Variants in ERBB4 observed in about 807,000 individuals in gnomAD.
The protein encoded by ERBB4 is receptor tyrosine-protein kinase erbB-4.
In ERBB4, 42 loss-of-function variants were observed where a neutral mutation model predicts 158.0. The ratio of observed to expected loss-of-function variants is 0.27; its 90% CI spans 0.21 to 0.34. ERBB4 has a LOEUF of 0.34. ERBB4 is among the 10% of genes least tolerant of loss of function. The pLI, the probability that ERBB4 is intolerant of heterozygous loss-of-function variation, is 1.00. For synonymous variants in ERBB4, 583 were observed against 558.7 expected (o/e 1.04, Z -0.61); for missense variants, 1,333 against 1,624.1 (o/e 0.82, Z 3.08).
At chr2:211,427,371 A>G (rs963632620) in intron 22 of ERBB4, among the ~76,000 whole-genome samples, 6 of 152,166 alleles carry the variant, frequency 3.9e-5, no homozygotes, top group African/African-American at 1.2e-4. Context: ...TTTATATGAT[A>G]TATTTAAACT....
At chr2:211,711,451 A>T (rs549262968) in intron 9 of ERBB4, among the ~76,000 whole-genome samples, 1 of 152,168 alleles carries the variant, frequency 6.6e-6, no homozygotes, top group Non-Finnish European at 1.5e-5. Flanking sequence ...TAAAACGAGT[A>T]GGGGGTCCTG....
intron 3 of ERBB4, among the ~76,000 whole-genome samples, chr2:211,838,733 T>C (rs1350099768): frequency 6.6e-6 from 1 of 152,124 alleles, no homozygotes; most frequent in Non-Finnish European, 1.5e-5. Context: ...TAAAAATATA[T>C]TTGAAATAGA....
chr2:211,653,441 C>CT (rs1191282701), intron 16 of ERBB4, among the ~76,000 whole-genome samples: 1 of 151,766 alleles, frequency 6.6e-6, no homozygotes, highest in Non-Finnish European at 1.5e-5. Context: ...ATTTCACCTG[C>CT]TTTCATTTAA....
chr2:212,076,474 G>C (rs916911565), intron 2 of ERBB4, among the ~76,000 whole-genome samples: 2 of 151,844 alleles, frequency 1.3e-5, no homozygotes, highest in African/African-American at 4.8e-5. Flanking sequence ...CTACACATCA[G>C]AAAATAAATA....
At chr2:212,298,970 T>C (rs1305237331) in intron 1 of ERBB4, among the ~76,000 whole-genome samples, 3 of 151,784 alleles carry the variant, frequency 2.0e-5, no homozygotes, top group Non-Finnish European at 2.9e-5. Flanking sequence ...TGAAATACTT[T>C]ACATGATAAT....
At chr2:211,524,450 C>T (rs189938590) in intron 20 of ERBB4, among the ~76,000 whole-genome samples, 22 of 149,602 alleles carry the variant, frequency 1.5e-4, no homozygotes, top group East Asian at 7.8e-4. Flanking sequence ...CGGGGAGGCT[C>T]GGGCCGCACA....
intron 20 of ERBB4, among the ~76,000 whole-genome samples, chr2:211,541,500 G>A (rs900124300): frequency 2.0e-5 from 3 of 151,888 alleles, no homozygotes; most frequent in African/African-American, 7.2e-5. Context: ...ATTCCTATCA[G>A]ATCATGTAGC....
intron 3 of ERBB4, among the ~76,000 whole-genome samples, chr2:211,891,963 A>G (rs2078980476): frequency 7.2e-6 from 1 of 138,118 alleles, no homozygotes; most frequent in African/African-American, 2.9e-5. Flanking sequence ...TTCACAGCTG[A>G]CTTCTACCAG....
intron 1 of ERBB4, among the ~76,000 whole-genome samples, chr2:212,304,334 T>C (rs2086730185): frequency 6.6e-6 from 1 of 151,540 alleles, no homozygotes; most frequent in Admixed American, 6.6e-5. Context: ...ATGGAAACAT[T>C]CTAATAAACT....
chr2:212,159,119 A>T (rs1378467965), intron 1 of ERBB4, among the ~76,000 whole-genome samples: 2 of 152,040 alleles, frequency 1.3e-5, no homozygotes, highest in Non-Finnish European at 1.5e-5. Context: ...AGTAAAAATC[A>T]GTCAATAAGA....
chr2:212,504,627 C>T (rs553244057), intron 1 of ERBB4, among the ~76,000 whole-genome samples: 1 of 152,090 alleles, frequency 6.6e-6, no homozygotes, highest in Admixed American at 6.5e-5. Flanking sequence ...AACCAAACTC[C>T]CAAATAAAAT....
intron 1 of ERBB4, among the ~76,000 whole-genome samples, chr2:212,536,008 T>A (rs1478591508): frequency 6.6e-6 from 1 of 152,234 alleles, no homozygotes; most frequent in Non-Finnish European, 1.5e-5. Context: ...TTGTCTTCCC[T>A]CGTTTCCTTA....
intron 25 of ERBB4, among the ~76,000 whole-genome samples, chr2:211,413,774 A>C (rs1016853295): frequency 6.6e-6 from 1 of 151,954 alleles, no homozygotes; most frequent in African/African-American, 2.4e-5. Flanking sequence ...TTTGACGACC[A>C]TGAAGAATTA....
chr2:212,113,726 T>C (rs893895682), intron 2 of ERBB4, among the ~76,000 whole-genome samples: 19 of 151,256 alleles, frequency 1.3e-4, no homozygotes, highest in Non-Finnish European at 1.8e-4. Flanking sequence ...ACTCAGCCAA[T>C]AAGCTGCACT....
intron 9 of ERBB4, among the ~76,000 whole-genome samples, chr2:211,711,318 A>G (rs6754899): frequency 0.54 from 81,924 of 151,910 alleles, 22,586 homozygotes; most frequent in African/African-American, 0.65. Context: ...TATATGAGAG[A>G]TATTCTTTAT....
rs1332623561 is a variant in ERBB4 at position 211,379,173 on chromosome 2, A to T, written c.*4442T>A. On this transcript the variant is annotated 3_prime_UTR_variant, in exon 28 of 28. Transcript: ENST00000342788. ...AGAGGGCATAGTGAGAAAAGAAAGG[A>T]CATATCACCAATTAACTGTATTTTG... 4.3e-6 allele frequency: 1 copy of T among 230,380 alleles called. No individual in the cohort carries two copies. The highest frequency in any genetic ancestry group is 8.6e-6 in the Non-Finnish European group (1 of 116,412). The allele number at this position is 230,380 out of a possible 1,614,324, so 14.3% of individuals were successfully genotyped here. A position where few individuals can be genotyped will look rare whatever the true frequency, so the allele number is the denominator to read the frequency against.
intron 2 of ERBB4, among the ~76,000 whole-genome samples, chr2:211,980,551 C>A (rs1294326833): frequency 2.0e-5 from 3 of 152,120 alleles, no homozygotes; most frequent in Non-Finnish European, 4.4e-5. Context: ...TAAGTACAGT[C>A]ATCCCTTAGT....
At chr2:211,964,916 C>T (rs2081271154) in intron 2 of ERBB4, among the ~76,000 whole-genome samples, 2 of 152,104 alleles carry the variant, frequency 1.3e-5, no homozygotes. Flanking sequence ...ATAGGTGGCA[C>T]TGTGCTCACT....
intron 22 of ERBB4, among the ~76,000 whole-genome samples, chr2:211,425,058 T>C (rs755960953): frequency 1.3e-5 from 2 of 152,178 alleles, no homozygotes; most frequent in Non-Finnish European, 2.9e-5. Flanking sequence ...TGGTTCTGAT[T>C]TGAGCAATAA....
Sources: gnomAD v4.1 joint callset for allele counts (sites outside exome capture counted in the v4.1 genomes callset) on GRCh38, gnomAD v4.1.1 for gene constraint, MANE v1.5 for transcripts, NCBI Gene and HGNC (gene_info 2026-07-23, HGNC 2026-07-21) for gene names.